The following SLC2A7 variants were observed in gnomAD, a reference collection of about 807,000 sequenced individuals.
SLC2A7 encodes solute carrier family 2, facilitated glucose transporter member 7.
Under a neutral mutation model 50.5 loss-of-function variants are expected in SLC2A7, and 50 were observed. The observed-to-expected ratio is 0.99, with a 90% CI of 0.79 to 1.25. SLC2A7 has a LOEUF of 1.25. Ranked by LOEUF, SLC2A7 falls within the 50% of genes most tolerant of loss-of-function variation. The pLI is 0.00. For synonymous variants in SLC2A7, 308 were observed against 300.4 expected (o/e 1.03, Z -0.26); for missense variants, 683 against 679.1 (o/e 1.01, Z -0.06).
At chr1:9,013,866 G>T (rs1384570263) in intron 7 of SLC2A7, among the ~76,000 whole-genome samples, 1 of 152,162 alleles carries the variant, frequency 6.6e-6, no homozygotes, top group East Asian at 1.9e-4. Flanking sequence ...TGGGCCTCAG[G>T]TTTGGCGTCT....
intron 2 of SLC2A7, 61 bp from the exon 3 acceptor site, chr1:9,023,139 G>C: frequency 6.5e-7 from 1 of 1,544,560 alleles, no homozygotes; most frequent in Non-Finnish European, 8.8e-7. Flanking sequence ...AAATGAGAAA[G>C]TGTTCTCAGT....
At chr1:9,007,505 C>T in intron 9 of SLC2A7, 120 bp from the exon 10 acceptor site, 1 of 881,154 alleles carries the variant, frequency 1.1e-6, no homozygotes, top group South Asian at 1.6e-5. Context: ...CTGGGCACCT[C>T]CATGGACCTT....
intron 8 of SLC2A7, among the ~76,000 whole-genome samples, chr1:9,011,813 A>G (rs1429242108): frequency 7.1e-6 from 1 of 141,260 alleles, no homozygotes; most frequent in Admixed American, 7.6e-5. Context: ...GCTGTGGTGC[A>G]ACCGTGGCTC....
chr1:9,023,097 T>C lies in SLC2A7; in HGVS notation c.151-19A>G. 6.2e-7 allele frequency: 1 copy of C among 1,609,242 alleles called. No individual in the cohort carries two copies. Among genetic ancestry groups the C allele is most frequent in the Non-Finnish European group, 8.5e-7 (1 of 1,176,378 alleles). Reference sequence around the variant, plus strand: ...TGAAGACCTGGAAAACATTGCCCCATCCACAGCTAAGAATATTGGGCAGTT... The same window carrying C: ...TGAAGACCTGGAAAACATTGCCCCACCCACAGCTAAGAATATTGGGCAGTT... On this transcript the variant is annotated intron_variant, in intron 2 of 11. Coordinates refer to ENST00000400906, the MANE Select transcript of SLC2A7 (RefSeq NM_207420.3).
In SLC2A7 at chr1:9,018,276, C is replaced by T. The variant is rs757242839; in HGVS notation, c.536G>A (p.Gly179Glu). 14 of 1,614,060 alleles carry T rather than the reference C, an allele frequency of 8.7e-6. No individual in the cohort carries two copies. In the South Asian group the frequency reaches 1.5e-4, roughly 18 times the overall value. Residue 179 changes from glycine to glutamate, a missense_variant, in exon 5 of 12, where the codon GGA becomes GAA. Transcript: ENST00000400906. ...GTMTEVFVIV[G>E]VFLAQIFSLQ... ...GCTGAAGATCTGTGCTAGGAAGACT[C>T]CAACGATGACGAAAACCTCGGTCAT...
chr1:9,019,236 A>G lies in SLC2A7; in HGVS notation c.409T>C (p.Ser137Pro). The G allele has an allele frequency of 6.2e-7, 1 of 1,613,792 alleles. No homozygotes were observed. The highest frequency in any genetic ancestry group is 8.5e-7 in the Non-Finnish European group (1 of 1,179,798). ...VAKAFELIVF[S>P]RVVLGVCAGI... ...GCACAGACTCCCAGCACCACTCGGGAAAAGACGATCAGCTCAAAAGCCTTG... is the reference window on the plus strand; with the variant it reads ...GCACAGACTCCCAGCACCACTCGGGGAAAGACGATCAGCTCAAAAGCCTTG... The change falls in exon 4 of 12, where the codon TCC becomes CCC. Residue 137 changes from serine (S) to proline (P), a missense_variant. Coordinates refer to ENST00000400906, the MANE Select transcript of SLC2A7 (RefSeq NM_207420.3).
intron 5 of SLC2A7, among the ~76,000 whole-genome samples, chr1:9,015,469 AAAG>A (rs1026400423): frequency 1.3e-5 from 2 of 152,232 alleles, no homozygotes; most frequent in African/African-American, 4.8e-5. Context: ...CCGTTTCTCT[AAAG>A]AATAGGCAAT....
In SLC2A7 at chr1:9,010,304, C is replaced by T. The variant is rs7514898; in HGVS notation, c.1015-60G>A. The T allele has an allele frequency of 7.4e-3, 10,048 of 1,359,094 alleles. 602 individuals are homozygous for T. In the African/African-American group the frequency reaches 0.13, roughly 17 times the overall value. The allele number at this position is 1,359,094 out of a possible 1,614,324, so 84.2% of individuals were successfully genotyped here. A position where few individuals can be genotyped will look rare whatever the true frequency, so the allele number is the denominator to read the frequency against. ...GGCCTGGCGCCCACGGTTCTTGGGC[C>T]GAGCCTCCACTTCCTTTTGTGGGCC... On this transcript the variant is annotated intron_variant, in intron 8 of 11. Transcript: ENST00000400906.
At chr1:9,024,375 C>A (rs1002880288) in intron 2 of SLC2A7, among the ~76,000 whole-genome samples, 3 of 152,006 alleles carry the variant, frequency 2.0e-5, no homozygotes, top group Non-Finnish European at 2.9e-5. Context: ...ACGTAATACA[C>A]AAACAAATGT....
In SLC2A7 at chr1:9,023,088, A is replaced by T. The variant is rs369169147; in HGVS notation, c.151-10T>A. 2 of 1,611,610 alleles carry T rather than the reference A, an allele frequency of 1.2e-6. No homozygotes were observed. The highest frequency in any genetic ancestry group is 1.7e-5 in the Admixed American group (1 of 59,888). On this transcript the variant is annotated splice_polypyrimidine_tract_variant and intron_variant, in intron 2 of 11. Transcript: ENST00000400906. ...AAAATGACTTGAAGACCTGGAAAAC[A>T]TTGCCCCATCCACAGCTAAGAATAT...
chr1:9,019,101 G>C (rs1469133882), intron 4 of SLC2A7, 108 bp downstream of exon 4: 7 of 1,448,696 alleles, frequency 4.8e-6, no homozygotes, highest in Admixed American at 4.8e-5. Context: ...AGGACGTCTT[G>C]AAATGAAAAG....
chr1:9,002,942 G>T (rs1461939612), downstream of SLC2A7, among the ~76,000 whole-genome samples: 1 of 152,212 alleles, frequency 6.6e-6, no homozygotes. Context: ...CTTAATTGAT[G>T]CAATGACGGC....
At chr1:9,002,627 T>C (rs193198026), downstream of SLC2A7, among the ~76,000 whole-genome samples, 79 of 152,328 alleles carry the variant, frequency 5.2e-4, no homozygotes, top group Admixed American at 9.1e-4. Context: ...GAGATAGTGA[T>C]CAATAAATAC....
At chr1:9,023,586 A>G (rs913779877) in intron 2 of SLC2A7, among the ~76,000 whole-genome samples, 29 of 151,866 alleles carry the variant, frequency 1.9e-4, no homozygotes, top group Admixed American at 7.9e-4. Context: ...CAGCCTGGGC[A>G]ACAGAGCGAG....
In SLC2A7 at chr1:9,020,634, C is replaced by T. The variant is rs1198969345; in HGVS notation, c.312-1301G>A. Among the ~76,000 whole-genome samples, 15 of 150,048 alleles carry T rather than the reference C, an allele frequency of 1.0e-4. No homozygotes were observed. The South Asian group carries it at 2.3e-3, about 23-fold the overall frequency. ...GACCAGAAAGAGGGCAGAGAGCTCC[C>T]GAGCTGTGGGGTTGCTGGCTGGTGC... On this transcript the variant is annotated intron_variant, in intron 3 of 11. Coordinates refer to ENST00000400906, the MANE Select transcript of SLC2A7 (RefSeq NM_207420.3).
chr1:9,005,183 G>A (rs1009220336), intron 10 of SLC2A7, among the ~76,000 whole-genome samples: 2 of 152,226 alleles, frequency 1.3e-5, no homozygotes, highest in Non-Finnish European at 2.9e-5. Context: ...CTTCGTGGGA[G>A]CAGCAGGAGT....
intron 3 of SLC2A7, 39 bp downstream of exon 3, chr1:9,022,879 G>A (rs755563802): frequency 2.6e-5 from 42 of 1,606,380 alleles, no homozygotes; most frequent in African/African-American, 2.7e-5. Flanking sequence ...TGGCTTACTA[G>A]CATGAATTTT....
chr1:9,005,348 A>G (rs1640640567), intron 10 of SLC2A7, among the ~76,000 whole-genome samples: 1 of 152,186 alleles, frequency 6.6e-6, no homozygotes, highest in African/African-American at 2.4e-5. Context: ...TTCTTGGACA[A>G]CTGTTTTTCA....
chr1:9,006,951 G>C (rs946143108), intron 10 of SLC2A7, among the ~76,000 whole-genome samples: 2 of 152,192 alleles, frequency 1.3e-5, no homozygotes, highest in African/African-American at 4.8e-5. Context: ...TGTGGGCTTG[G>C]AGGCTCAAGT....
Sources: allele counts gnomAD v4.1 joint callset (sites outside exome capture counted in the v4.1 genomes callset), GRCh38; gene constraint gnomAD v4.1.1; transcripts MANE v1.5; gene names NCBI Gene and HGNC (gene_info 2026-07-23, HGNC 2026-07-21).